SLC12A6: variants seen among roughly 807,000 people sequenced by gnomAD.
The protein encoded by SLC12A6 is K-Cl cotransporter 3.
Under a neutral mutation model 135.3 loss-of-function variants are expected in SLC12A6, and 66 were observed. The ratio of observed to expected loss-of-function variants is 0.49; its 90% confidence interval spans 0.40 to 0.60. The LOEUF (loss-of-function observed/expected upper bound fraction) is 0.60, where lower values mean the gene tolerates loss of function less well. SLC12A6 is among the 20% of genes least tolerant of loss of function. SLC12A6 has a pLI of 0.00. For missense variants in SLC12A6, 1,058 were observed against 1,452.3 expected, an observed-to-expected ratio of 0.73 and a Z score of 4.41; for synonymous variants, 513 against 508.8, an observed-to-expected ratio of 1.01 and a Z score of -0.11.
At chr15:34,317,340 T>C (rs1320014291) in intron 2 of SLC12A6, among the ~76,000 whole-genome samples, 6 of 152,226 alleles carry the variant, frequency 3.9e-5, no homozygotes, top group African/African-American at 9.6e-5. Flanking sequence ...CCAACCGCTA[T>C]TGACACCAAG....
chr15:34,278,817 C>G (rs1894475655), intron 2 of SLC12A6, among the ~76,000 whole-genome samples: 1 of 152,012 alleles, frequency 6.6e-6, no homozygotes, highest in African/African-American at 2.4e-5. Flanking sequence ...GATCCACCTG[C>G]CTCAGCCTCC....
At chr15:34,236,285 T>C in intron 23 of SLC12A6, 86 bp from the exon 24 acceptor site, 3 of 922,646 alleles carry the variant, frequency 3.3e-6, no homozygotes, top group South Asian at 1.4e-5. Flanking sequence ...TAATGGGTTA[T>C]AGTGGAATAA....
chr15:34,324,072 A>G (rs982887817), intron 2 of SLC12A6, among the ~76,000 whole-genome samples: 1 of 152,158 alleles, frequency 6.6e-6, no homozygotes, highest in Non-Finnish European at 1.5e-5. Flanking sequence ...AAGACCCAGC[A>G]ATTCTTGTTC....
At position 34,244,160 on chromosome 15, in the gene SLC12A6, C is replaced by T. The variant is rs1380879410; in HGVS notation, c.1944-88G>A. The T allele has an allele frequency of 1.1e-5, 9 of 830,696 alleles. No homozygotes were observed. In the Admixed American group the frequency reaches 1.6e-4, roughly 15 times the overall value. 51.5% of individuals were successfully genotyped at this position (830,696 alleles called of 1,614,324 possible). On this transcript the variant is annotated intron_variant, in intron 15 of 25. Transcript: ENST00000354181. ...ACTGAATACCTTTGCTGTATTGAAGCCTGTTTCTAGACAACTAACCCTTGA... is the reference window on the plus strand; with the variant it reads ...ACTGAATACCTTTGCTGTATTGAAGTCTGTTTCTAGACAACTAACCCTTGA...
chr15:34,293,375 G>A (rs8033545), intron 2 of SLC12A6, among the ~76,000 whole-genome samples: 4,154 of 152,250 alleles, frequency 0.027, 193 homozygotes, highest in African/African-American at 0.095. Flanking sequence ...TGCAAACTCA[G>A]ATCTCTGCAA....
chr15:34,240,810 G>A lies in SLC12A6; in HGVS notation c.2287C>T (p.Leu763=), dbSNP rs1403453011. 3 of 1,613,738 alleles carry A rather than the reference G, an allele frequency of 1.9e-6. No individual in the cohort carries two copies. The highest frequency in any genetic ancestry group is 1.7e-6 in the Non-Finnish European group (2 of 1,179,844). ...KNWRPQLLVL[L]KLDEDLHVKH... is the part of the protein sequence containing the mutation. The stretch of plus-strand genomic sequence containing the variant: ...ACATGTAAGTCTTCATCTAGTTTCA[G>A]TAATACAAGCAACTGAGGCCTGTGA... The change falls in exon 19 of 26, where the codon CTG becomes TTG. Residue 763 remains leucine (L), a synonymous_variant. Transcript: ENST00000354181.
intron 16 of SLC12A6, among the ~76,000 whole-genome samples, chr15:34,243,124 C>T (rs1051683197): frequency 1.3e-5 from 2 of 151,966 alleles, no homozygotes; most frequent in Non-Finnish European, 2.9e-5. Flanking sequence ...AACTCCTGAC[C>T]TAGGTGATCC....
chr15:34,245,361 A>T lies in SLC12A6; in HGVS notation c.1867T>A (p.Leu623Ile). 6.2e-7 allele frequency: 1 copy of T among 1,613,652 alleles called. No homozygotes were observed. The highest frequency in any genetic ancestry group is 8.5e-7 in the Non-Finnish European group (1 of 1,179,522). ...SKANGEPTWA[L>I]LLTAAIAELG... ...TCTGCAATGGCAGCAGTTAGAAGTA[A>T]AGCCCAGGTAGGTTCCCCATTGGCT... is the stretch of plus-strand genomic sequence containing the variant. The change falls in exon 15 of 26, where the codon TTA (leucine) becomes ATA (isoleucine). Residue 623 changes from leucine (L) to isoleucine (I), a missense_variant. Physicochemically the swap from Leu to Ile is conservative, Grantham distance 5. Around this residue, in one of 6 missense-constraint regions of SLC12A6, gnomAD observed 170 missense variants for 297.6 expected, o/e 0.57. Transcript: ENST00000354181.
At chr15:34,265,457 A>G (rs1455051938) in intron 3 of SLC12A6, among the ~76,000 whole-genome samples, 1 of 152,080 alleles carries the variant, frequency 6.6e-6, no homozygotes, top group Admixed American at 6.5e-5. Flanking sequence ...ACCCAAAAAG[A>G]ATTTCAAGAA....
intron 3 of SLC12A6, among the ~76,000 whole-genome samples, chr15:34,265,592 C>T (rs923104390): frequency 6.6e-6 from 1 of 152,012 alleles, no homozygotes; most frequent in Non-Finnish European, 1.5e-5. Flanking sequence ...AAAACAAATC[C>T]GACTTACAGT....
rs1891033598 is a variant in SLC12A6, at chr15:34,232,931, C to G, written c.*950G>C. ...TATTTGTTCCTTAAGATTTTTTGAC[C>G]TGTGCTTAATAAGAGGGCATAAAAA... On this transcript the variant is annotated 3_prime_UTR_variant, in exon 26 of 26. Coordinates refer to ENST00000354181, the MANE Select transcript of SLC12A6 (RefSeq NM_001365088.1). 2 of 119,822 alleles carry G rather than the reference C, an allele frequency of 1.7e-5. No individual in the cohort carries two copies. The highest frequency in any genetic ancestry group is 6.6e-5 in the African/African-American group (2 of 30,358). The allele number at this position is 119,822 out of a possible 1,614,324, so 7.4% of individuals were successfully genotyped here.
At chr15:34,291,322 T>C (rs140501114) in intron 2 of SLC12A6, among the ~76,000 whole-genome samples, 71 of 152,374 alleles carry the variant, frequency 4.7e-4, no homozygotes, top group African/African-American at 1.7e-3. Context: ...CACTCTCTTC[T>C]GGCTTGTAGG....
chr15:34,233,605 T>C lies in SLC12A6; in HGVS notation c.*276A>G. 1 of 380,408 alleles carries C rather than the reference T, an allele frequency of 2.6e-6. No homozygotes were observed. The highest frequency in any genetic ancestry group is 3.1e-5 in the South Asian group (1 of 32,426). The allele number at this position is 380,408 out of a possible 1,614,324, so 23.6% of individuals were successfully genotyped here. On this transcript the variant is annotated 3_prime_UTR_variant, in exon 26 of 26. Coordinates refer to ENST00000354181, the MANE Select transcript of SLC12A6 (RefSeq NM_001365088.1). ...TACCAATTCATTTATTGGCTCAGCT[T>C]GTTAATTCTAATTTGCCTTTGACTG...
At chr15:34,260,878 G>A in intron 4 of SLC12A6, 48 bp downstream of exon 4, 1 of 841,840 alleles carries the variant, frequency 1.2e-6, no homozygotes, top group Non-Finnish European at 2.1e-6. Context: ...GCTATCATGA[G>A]ATCTCTGTTC....
rs747032924 is a variant in SLC12A6 at position 34,237,416 on chromosome 15, C to T, written c.2934+3G>A. ...TCTTGTATCTCAAACTCAGCTTTCT[C>T]ACCATCTCCACCACTTCTACCTCCG... is the stretch of plus-strand genomic sequence containing the variant. On this transcript the variant is annotated splice_donor_region_variant and intron_variant, in intron 22 of 25. Coordinates refer to ENST00000354181, the MANE Select transcript of SLC12A6 (RefSeq NM_001365088.1). The T allele has an allele frequency of 1.6e-5, 26 of 1,610,854 alleles. No individual in the cohort carries two copies. The African/African-American group carries it at 2.8e-4, about 17-fold the overall frequency.
chr15:34,301,563 T>G (rs557364477), intron 2 of SLC12A6, among the ~76,000 whole-genome samples: 45 of 152,158 alleles, frequency 3.0e-4, no homozygotes, highest in African/African-American at 1.0e-3. Flanking sequence ...GTAATTAAGG[T>G]AGAAAGTAGT....
At chr15:34,236,855 G>C (rs1891304380) in intron 22 of SLC12A6, 40 bp from the exon 23 acceptor site, 1 of 1,078,028 alleles carries the variant, frequency 9.3e-7, no homozygotes, top group South Asian at 1.2e-5. Context: ...AAAGCACAAA[G>C]GAGAAAGAAG....
At chr15:34,338,030 C>T (rs761629360), upstream of SLC12A6, 8 of 151,952 alleles carry the variant, frequency 5.3e-5, no homozygotes, top group Non-Finnish European at 8.8e-5. Context: ...AAGCCCCGCC[C>T]AGCCGCCGCA....
chr15:34,276,792 A>T (rs1361957394), intron 2 of SLC12A6, among the ~76,000 whole-genome samples: 1 of 152,220 alleles, frequency 6.6e-6, no homozygotes, highest in African/African-American at 2.4e-5. Flanking sequence ...TTATTGTTTT[A>T]GACAAAATCC....
Sources: allele counts gnomAD v4.1 joint callset (sites outside exome capture counted in the v4.1 genomes callset), GRCh38; gene constraint gnomAD v4.1.1; regional missense constraint gnomAD v4.1.1; transcripts MANE v1.5; gene names NCBI Gene and HGNC (gene_info 2026-07-23, HGNC 2026-07-21).